SEM1: variants seen among roughly 807,000 people sequenced by gnomAD.
The protein encoded by SEM1 is 26S proteasome complex subunit SEM1.
Under a neutral mutation model 12.7 loss-of-function variants are expected in SEM1, and 3 were observed. The observed-to-expected ratio is 0.24, with a 90% CI of 0.11 to 0.61. The LOEUF (loss-of-function observed/expected upper bound fraction) is 0.61, where lower values mean the gene tolerates loss of function less well. SEM1 is among the 20% of genes least tolerant of loss of function. SEM1 has a pLI of 0.88. For missense variants in SEM1, 59 were observed against 81.3 expected (o/e 0.73, Z 1.06); for synonymous variants, 30 against 27.8 (o/e 1.08, Z -0.25).
intron 2 of SEM1, among the ~76,000 whole-genome samples, chr7:96,613,905 C>T (rs772631721): frequency 5.9e-5 from 9 of 152,326 alleles, no homozygotes; most frequent in Non-Finnish European, 1.2e-4. Context: ...GAATAGTACT[C>T]CATTTTGTAT....
At chr7:96,484,181 T>A (rs958133822) in intron 3 of SEM1, among the ~76,000 whole-genome samples, 3 of 152,168 alleles carry the variant, frequency 2.0e-5, no homozygotes, top group African/African-American at 4.8e-5. Flanking sequence ...CAATGTGGGA[T>A]GCAATCGCTG....
intron 2 of SEM1, among the ~76,000 whole-genome samples, chr7:96,594,502 T>C (rs779830991): frequency 6.6e-6 from 1 of 152,166 alleles, no homozygotes. Flanking sequence ...GATGCATAGG[T>C]AAGTGAGTCC....
At chr7:96,600,469 A>C (rs1282311002) in intron 2 of SEM1, among the ~76,000 whole-genome samples, 4 of 152,196 alleles carry the variant, frequency 2.6e-5, no homozygotes, top group Admixed American at 2.0e-4. Context: ...AGCATCTACT[A>C]TATGCCAAGC....
At position 96,494,758 on chromosome 7, in the gene SEM1, G is replaced by A. The variant is rs535233884; in HGVS notation, c.12+1526C>T. Among the ~76,000 whole-genome samples the A allele has an allele frequency of 2.3e-4, 35 of 151,526 alleles. 1 individual carries two copies. The South Asian group carries it at 7.4e-3, about 32-fold the overall frequency. ...AGCAAAAGGGAAAGAGAGAGGGTGG[G>A]AAAATAGCATTGGAAGAATATTTTA... On this transcript the variant is annotated intron_variant, in intron 1 of 3. Coordinates refer to the SEM1 transcript ENST00000356686.
chr7:96,699,092 A>T (rs1233888873), intron 1 of SEM1, among the ~76,000 whole-genome samples: 1 of 152,094 alleles, frequency 6.6e-6, no homozygotes, highest in Non-Finnish European at 1.5e-5. Context: ...TCTACCCTTC[A>T]AATTACTGAG....
intron 1 of SEM1, among the ~76,000 whole-genome samples, chr7:96,707,829 C>T (rs1790518615): frequency 1.3e-5 from 2 of 152,304 alleles, no homozygotes; most frequent in South Asian, 4.1e-4. Flanking sequence ...CAATTATCAA[C>T]TAACTACTCA....
intron 2 of SEM1, among the ~76,000 whole-genome samples, chr7:96,573,853 C>T (rs1806116494): frequency 6.6e-6 from 1 of 152,016 alleles, no homozygotes; most frequent in Admixed American, 6.6e-5. Flanking sequence ...GAGTGTTTTC[C>T]AACTTGGTTC....
chr7:96,532,984 T>G (rs1239796718), intron 2 of SEM1, among the ~76,000 whole-genome samples: 1 of 152,108 alleles, frequency 6.6e-6, no homozygotes, highest in African/African-American at 2.4e-5. Flanking sequence ...TTGGTATCAG[T>G]ACTTGTTCTA....
At chr7:96,670,489 G>T (rs980995848), downstream of SEM1, among the ~76,000 whole-genome samples, 1 of 152,168 alleles carries the variant, frequency 6.6e-6, no homozygotes, top group Non-Finnish European at 1.5e-5. Flanking sequence ...TTGACAGATG[G>T]CGGAAAATAG....
intron 2 of SEM1, among the ~76,000 whole-genome samples, chr7:96,604,803 T>A (rs1006983717): frequency 9.2e-5 from 14 of 151,966 alleles, no homozygotes; most frequent in African/African-American, 3.4e-4. Flanking sequence ...CCTCTAATCC[T>A]AGCTACTCAG....
intron 2 of SEM1, among the ~76,000 whole-genome samples, chr7:96,594,263 G>T (rs1009596947): frequency 5.3e-5 from 8 of 152,104 alleles, no homozygotes; most frequent in Non-Finnish European, 1.0e-4. Context: ...TGTAGGTCCT[G>T]ACACCAGGCT....
chr7:96,638,182 C>T (rs1808485749), intron 2 of SEM1, among the ~76,000 whole-genome samples: 1 of 152,064 alleles, frequency 6.6e-6, no homozygotes, highest in Admixed American at 6.6e-5. Context: ...GTGATGAAGA[C>T]TTTTCTCAGC....
chr7:96,683,481 C>T (rs1194903526), intron 2 of SEM1, among the ~76,000 whole-genome samples: 3 of 152,262 alleles, frequency 2.0e-5, no homozygotes, highest in African/African-American at 7.2e-5. Context: ...TGTGGCGATT[C>T]CTCAAGGATC....
intron 2 of SEM1, among the ~76,000 whole-genome samples, chr7:96,626,033 T>C (rs1808052005): frequency 6.6e-6 from 1 of 152,208 alleles, no homozygotes. Flanking sequence ...AATTATACTC[T>C]TTCAGTTATT....
chr7:96,615,925 T>G (rs1231858628), intron 2 of SEM1, among the ~76,000 whole-genome samples: 2 of 152,202 alleles, frequency 1.3e-5, no homozygotes. Flanking sequence ...AATATGAACA[T>G]TTTCTTCATA....
downstream of SEM1, among the ~76,000 whole-genome samples, chr7:96,670,090 T>A (rs1460661333): frequency 6.6e-6 from 1 of 152,200 alleles, no homozygotes; most frequent in Non-Finnish European, 1.5e-5. Flanking sequence ...CCACTTTAAA[T>A]ACTATTGTTA....
At chr7:96,633,054 G>A (rs955102149) in intron 2 of SEM1, among the ~76,000 whole-genome samples, 2 of 151,984 alleles carry the variant, frequency 1.3e-5, no homozygotes. Context: ...TCTACTGGCT[G>A]AATGTTGCTT....
At chr7:96,531,159 T>A (rs557087601) in intron 2 of SEM1, among the ~76,000 whole-genome samples, 1 of 152,136 alleles carries the variant, frequency 6.6e-6, no homozygotes, top group East Asian at 1.9e-4. Flanking sequence ...CATATAAACA[T>A]GAAAGCACTC....
chr7:96,659,158 G>A (rs992755952), intron 2 of SEM1, among the ~76,000 whole-genome samples: 3 of 151,960 alleles, frequency 2.0e-5, no homozygotes, highest in African/African-American at 7.3e-5. Context: ...ACAAACACAG[G>A]AAGCACATTA....
Sources: gnomAD v4.1 joint callset for allele counts (sites outside exome capture counted in the v4.1 genomes callset) on GRCh38, gnomAD v4.1.1 for gene constraint, MANE v1.5 for transcripts, NCBI Gene and HGNC (gene_info 2026-07-23, HGNC 2026-07-21) for gene names.